DNAH3: variants seen among roughly 807,000 people sequenced by gnomAD.
The protein encoded by DNAH3 is dynein axonemal heavy chain 3.
A neutral mutation model predicts 432.5 loss-of-function variants in DNAH3; 332 were observed. The observed-to-expected ratio is 0.77, with a 90% CI of 0.70 to 0.84. The LOEUF is 0.84. Among genes scored for constraint, DNAH3 ranks in the 40% least tolerant of loss-of-function variants. The pLI is 0.00. For missense variants in DNAH3, 4,861 were observed against 5,114.0 expected (o/e 0.95, Z 1.51); for synonymous variants, 1,956 against 1,900.2 (o/e 1.03, Z -0.76).
intron 60 of DNAH3, 83 bp from the exon 61 acceptor site, chr16:20,935,568 T>A (rs936476696): frequency 6.9e-7 from 1 of 1,457,218 alleles, no homozygotes; most frequent in Non-Finnish European, 9.3e-7. Context: ...GAGTACCATA[T>A]AAAATATGTT....
chr16:21,005,948 T>G (rs9930730), intron 41 of DNAH3, among the ~76,000 whole-genome samples: 2 of 151,876 alleles, frequency 1.3e-5, no homozygotes, highest in African/African-American at 4.8e-5. Flanking sequence ...GGTCAATTAT[T>G]ATGTATCAGT....
chr16:20,974,600 T>TTTTTTTTTTTTTTTTTTTTTTTTTC (rs1461817389), intron 51 of DNAH3, among the ~76,000 whole-genome samples: 1 of 145,564 alleles, frequency 6.9e-6, no homozygotes, highest in African/African-American at 2.5e-5. Flanking sequence ...TTTTTTTTTT[T>TTTTTTTTTTTTTTTTTTTTTTTTTC]TGTAGAGACA....
At chr16:21,061,170 T>A (rs1022953762) in intron 25 of DNAH3, among the ~76,000 whole-genome samples, 2 of 151,272 alleles carry the variant, frequency 1.3e-5, no homozygotes, top group Non-Finnish European at 2.9e-5. Flanking sequence ...ATATTCTTTA[T>A]CTGCTTGACA....
chr16:20,958,353 C>T (rs891704954), intron 54 of DNAH3, among the ~76,000 whole-genome samples: 5 of 151,988 alleles, frequency 3.3e-5, no homozygotes, highest in Non-Finnish European at 5.9e-5. Context: ...AGATTACAGG[C>T]GTGAGCCACC....
chr16:21,000,492 C>T, exon 43 of DNAH3: 1 of 1,610,454 alleles, frequency 6.2e-7, no homozygotes. Flanking sequence ...GGGCTGTCTC[C>T]ATTGTGGGGA....
intron 37 of DNAH3, among the ~76,000 whole-genome samples, chr16:21,029,399 A>G (rs2088756311): frequency 6.6e-6 from 1 of 152,198 alleles, no homozygotes; most frequent in South Asian, 2.1e-4. Context: ...ATGATGATAA[A>G]TTTTATTTTA....
exon 53 of DNAH3, chr16:20,963,537 G>C: frequency 6.2e-7 from 1 of 1,614,076 alleles, no homozygotes; most frequent in South Asian, 1.1e-5. Flanking sequence ...CCGAGTCATA[G>C]ATCAGCTTCC....
chr16:20,939,506 G>A (rs1016805835), intron 59 of DNAH3, among the ~76,000 whole-genome samples: 8 of 151,988 alleles, frequency 5.3e-5, no homozygotes, highest in African/African-American at 1.9e-4. Context: ...CAGCTACTTG[G>A]GAGGCTGAGG....
chr16:21,150,258 A>C, intron 1 of DNAH3, 32 bp downstream of exon 2: 1 of 436,624 alleles, frequency 2.3e-6, no homozygotes, highest in Non-Finnish European at 4.5e-6. Context: ...AAATACAGGT[A>C]AAACAAGAAA....
exon 50 of DNAH3, chr16:20,979,422 T>G (rs1297134601): frequency 1.2e-6 from 2 of 1,614,026 alleles, no homozygotes; most frequent in Admixed American, 3.3e-5. Flanking sequence ...AGGAGCGTCT[T>G]GAAGGTTAGA....
chr16:21,027,735 G>A (rs145870511), intron 37 of DNAH3, among the ~76,000 whole-genome samples: 1 of 152,352 alleles, frequency 6.6e-6, no homozygotes, highest in African/African-American at 2.4e-5. Flanking sequence ...TCAGGGTTGA[G>A]TGAGCTGCAA....
At chr16:20,946,883 G>C (rs2084072043) in intron 57 of DNAH3, among the ~76,000 whole-genome samples, 1 of 138,752 alleles carries the variant, frequency 7.2e-6, no homozygotes, top group South Asian at 2.4e-4. Context: ...GGAGTGCAGT[G>C]GTGGGACCTT....
intron 23 of DNAH3, among the ~76,000 whole-genome samples, chr16:21,068,325 T>TGGCGG (rs2090647185): frequency 1.3e-5 from 1 of 76,606 alleles, no homozygotes; most frequent in East Asian, 2.5e-4. Flanking sequence ...TTTTTTTGGG[T>TGGCGG]GGGGGGGGGG....
chr16:21,151,275 T>C (rs2092850148), intron 1 of DNAH3, among the ~76,000 whole-genome samples: 1 of 151,872 alleles, frequency 6.6e-6, no homozygotes, highest in Admixed American at 6.6e-5. Context: ...TACAGAGCGA[T>C]TTGCATATAG....
intron 40 of DNAH3, 100 bp from the exon 41 acceptor site, chr16:21,019,969 A>T: frequency 7.3e-7 from 1 of 1,372,554 alleles, no homozygotes. Flanking sequence ...CTGGGCCAGA[A>T]GGGCGACTGA....
chr16:21,092,299 C>T (rs1046162963), intron 18 of DNAH3, among the ~76,000 whole-genome samples: 13 of 152,102 alleles, frequency 8.5e-5, no homozygotes, highest in African/African-American at 2.4e-4. Context: ...CATAACCCAT[C>T]CAAAAATAGA....
At chr16:20,949,749 T>G (rs2084228962) in intron 56 of DNAH3, among the ~76,000 whole-genome samples, 1 of 152,232 alleles carries the variant, frequency 6.6e-6, no homozygotes, top group Admixed American at 6.5e-5. Flanking sequence ...GAAATGGATC[T>G]ATGATGTCTT....
chr16:21,035,329 A>G (rs1412146471), intron 35 of DNAH3, among the ~76,000 whole-genome samples: 1 of 152,174 alleles, frequency 6.6e-6, no homozygotes, highest in Non-Finnish European at 1.5e-5. Context: ...TGTTTAAAAT[A>G]AAAAACGAAT....
chr16:21,110,861 A>G (rs1032558647), intron 14 of DNAH3, among the ~76,000 whole-genome samples: 1 of 151,894 alleles, frequency 6.6e-6, no homozygotes, highest in Non-Finnish European at 1.5e-5. Context: ...GGGACAGAAC[A>G]AGACCATGTG....
Sources: allele counts gnomAD v4.1 joint callset (sites outside exome capture counted in the v4.1 genomes callset), GRCh38; gene constraint gnomAD v4.1.1; transcripts MANE v1.5; gene names NCBI Gene and HGNC (gene_info 2026-07-23, HGNC 2026-07-21).